The following RASSF5 variants were observed in gnomAD, a reference collection of about 807,000 sequenced individuals.
RASSF5 encodes the protein Ras association domain family member 5.
RASSF5 carries 25 observed loss-of-function variants against 40.5 expected under a neutral mutation model. The ratio of observed to expected loss-of-function variants is 0.62; its 90% CI spans 0.45 to 0.86. RASSF5 has a LOEUF of 0.86. Ranked by LOEUF, RASSF5 falls within the 40% of genes least tolerant of loss-of-function variation. The pLI is 0.00. For missense variants in RASSF5, 521 were observed against 572.8 expected, an observed-to-expected ratio of 0.91 and a Z score of 0.92; for synonymous variants, 246 against 252.4, an observed-to-expected ratio of 0.97 and a Z score of 0.24.
At chr1:206,547,217 G>A (rs190172304) in intron 2 of RASSF5, among the ~76,000 whole-genome samples, 14 of 151,988 alleles carry the variant, frequency 9.2e-5, no homozygotes, top group Admixed American at 2.0e-4. Flanking sequence ...TTTTATTTTC[G>A]CATATACTAC....
In RASSF5 at chr1:206,584,118, G is replaced by A. The variant is rs1261148708; in HGVS notation, c.691-269G>A. The stretch of plus-strand genomic sequence containing the variant: ...CACTCACCAAAGGCAACTGGTTACA[G>A]GAGGTTTAGGGAGCTGGCCTGAGCC... On this transcript the variant is annotated intron_variant, in intron 3 of 5. Coordinates refer to ENST00000579436, the MANE Select transcript of RASSF5 (RefSeq NM_182663.4). The surrounding 1 kb of genome is among the most constrained non-coding windows in gnomAD (Gnocchi z 4.9). 2.6e-5 allele frequency among the ~76,000 whole-genome samples: 4 copies of A among 152,194 alleles called. No individual in the cohort carries two copies. Among genetic ancestry groups the A allele is most frequent in the African/African-American group, 9.7e-5 (4 of 41,444 alleles).
rs183797054 is a variant in RASSF5 at position 206,570,732 on chromosome 1, T to C, written c.580-12537T>C. ...CCACGTGATAGCATGTGTCAGAATT[T>C]CCTTCCCTTTCAAGGCTGAATGAGA... On this transcript the variant is annotated intron_variant, in intron 2 of 5. Coordinates refer to ENST00000579436, the MANE Select transcript of RASSF5 (RefSeq NM_182663.4). Among the ~76,000 whole-genome samples the C allele has an allele frequency of 2.5e-3, 379 of 152,284 alleles. 1 individual carries two copies. Among genetic ancestry groups the C allele is most frequent in the Non-Finnish European group, 4.4e-3 (301 of 68,014 alleles).
In RASSF5 at chr1:206,579,298, C is replaced by A. The variant is rs1413454886; in HGVS notation, c.580-3971C>A. On this transcript the variant is annotated intron_variant, in intron 2 of 5. Coordinates refer to ENST00000579436, the MANE Select transcript of RASSF5 (RefSeq NM_182663.4). This position sits in a 1 kb window ranked among gnomAD's most constrained non-coding sequence, Gnocchi z 4.2. ...GCCCCCAGGAGAGACACCTCACATGCCAATGTCTATATTTGTTAAATCATA... is the reference window on the plus strand; with the variant it reads ...GCCCCCAGGAGAGACACCTCACATGACAATGTCTATATTTGTTAAATCATA... Among the ~76,000 whole-genome samples, 2 of 152,202 alleles carry A rather than the reference C, an allele frequency of 1.3e-5. No individual in the cohort carries two copies. Among genetic ancestry groups the A allele is most frequent in the African/African-American group, 4.8e-5 (2 of 41,442 alleles).
chr1:206,520,867 A>G (rs1307547963), intron 1 of RASSF5, among the ~76,000 whole-genome samples: 1 of 152,138 alleles, frequency 6.6e-6, no homozygotes, highest in Non-Finnish European at 1.5e-5. Context: ...TCCCAGGAAG[A>G]CTTTTCATAA....
At position 206,531,486 on chromosome 1, in the gene RASSF5, G is replaced by C. The variant is rs1667236085; in HGVS notation, c.458-6686G>C. Among the ~76,000 whole-genome samples the C allele has an allele frequency of 6.6e-6, 1 of 152,204 alleles. No homozygotes were observed. The highest frequency in any genetic ancestry group is 2.1e-4 in the South Asian group (1 of 4,830). On this transcript the variant is annotated intron_variant, in intron 1 of 5. Coordinates refer to ENST00000579436, the MANE Select transcript of RASSF5 (RefSeq NM_182663.4). The surrounding 1 kb of genome is among the most constrained non-coding windows in gnomAD (Gnocchi z 4.7). ...GGAGCTGGCAGGGTAGAGGCTGCAG[G>C]GTGAGGGTGCAGGGGGCTGGAGGTG...
intron 2 of RASSF5, among the ~76,000 whole-genome samples, chr1:206,562,144 T>C: frequency 6.6e-6 from 1 of 152,102 alleles, no homozygotes. Flanking sequence ...CCTGTAATTG[T>C]TCCATCTCCT....
chr1:206,583,317 G>A lies in RASSF5; in HGVS notation c.628G>A (p.Glu210Lys), dbSNP rs1553406784. 1 of 1,613,428 alleles carries A rather than the reference G, an allele frequency of 6.2e-7. No individual in the cohort carries two copies. ...GACACAGCGCCCGCCCACACTGCAGGAGATCAAGCAGAAGATCGACAGCTA... is the reference window on the plus strand; with the variant it reads ...GACACAGCGCCCGCCCACACTGCAGAAGATCAAGCAGAAGATCGACAGCTA... ...EETQRPPTLQ[E>K]IKQKIDSYNT... The change falls in exon 3 of 6, where the codon GAG becomes AAG. Residue 210 changes from glutamate to lysine, a missense_variant. By Grantham distance (56) the Glu-to-Lys change is moderately conservative. Around this residue, in one of 2 missense-constraint regions of RASSF5, gnomAD observed 284 missense variants for 360.8 expected, o/e 0.79. Transcript: ENST00000579436.
intron 1 of RASSF5, among the ~76,000 whole-genome samples, chr1:206,511,629 G>C (rs1371693899): frequency 6.6e-6 from 1 of 152,158 alleles, no homozygotes; most frequent in East Asian, 1.9e-4. Flanking sequence ...GAATTACATG[G>C]TTGAAAGGGA....
intron 1 of RASSF5, among the ~76,000 whole-genome samples, chr1:206,524,031 TATATA>T (rs1367370599): frequency 1.7e-5 from 2 of 121,144 alleles, no homozygotes; most frequent in Admixed American, 1.1e-4. Flanking sequence ...AGGTATACCA[TATATA>T]ATATATTTTA....
Position 206,507,903 on chromosome 1 carries a change from C to A in RASSF5, c.301C>A (p.Arg101Ser), listed in dbSNP as rs782694757. ...GCGGCGGCCTGGAGCGCCCCGACCC[C>A]GCGACGTGCGGAGCATCTTCGAGCA... Reference protein sequence around the residue: ...LRRRPGAPRPRDVRSIFEQPQ... With the variant: ...LRRRPGAPRPSDVRSIFEQPQ... The change falls in exon 1 of 6, where the codon CGC (arginine) becomes AGC (serine). Residue 101 changes from arginine (R) to serine (S), a missense_variant. By Grantham distance (110) the Arg-to-Ser change is moderately radical. Transcript: ENST00000579436. The A allele has an allele frequency of 1.3e-6, 2 of 1,506,288 alleles. No individual in the cohort carries two copies. The highest frequency in any genetic ancestry group is 1.8e-6 in the Non-Finnish European group (2 of 1,135,016). 93.3% of individuals were successfully genotyped at this position (1,506,288 alleles called of 1,614,324 possible).
intron 2 of RASSF5, among the ~76,000 whole-genome samples, chr1:206,550,945 C>A (rs550491620): frequency 2.0e-5 from 3 of 152,184 alleles, no homozygotes; most frequent in Non-Finnish European, 4.4e-5. Flanking sequence ...CCCCTTTCTG[C>A]CATCTTGGAG....
chr1:206,557,597 C>T, intron 2 of RASSF5: 1 of 1,614,238 alleles, frequency 6.2e-7, no homozygotes, highest in East Asian at 2.2e-5. Context: ...GCAGCATGAG[C>T]AGTGGGTACT....
At chr1:206,524,645 AT>A (rs1553396878) in intron 1 of RASSF5, among the ~76,000 whole-genome samples, 1 of 137,464 alleles carries the variant, frequency 7.3e-6, no homozygotes, top group African/African-American at 2.7e-5. Flanking sequence ...TAAAATATAT[AT>A]TATATATTAT....
chr1:206,544,066 T>C (rs1667614325), intron 2 of RASSF5: 1 of 152,230 alleles, frequency 6.6e-6, no homozygotes, highest in Non-Finnish European at 1.5e-5. Flanking sequence ...TGTCATATTA[T>C]TAAAAGGCAG....
chr1:206,526,099 C>A (rs909257218), intron 1 of RASSF5, among the ~76,000 whole-genome samples: 2 of 152,186 alleles, frequency 1.3e-5, no homozygotes, highest in Non-Finnish European at 2.9e-5. Flanking sequence ...GGAGCTTGCT[C>A]AGGTGCATCC....
At chr1:206,574,249 G>T (rs940164807) in intron 2 of RASSF5, among the ~76,000 whole-genome samples, 13 of 152,218 alleles carry the variant, frequency 8.5e-5, no homozygotes, top group African/African-American at 3.1e-4. Context: ...GGCCTGATCT[G>T]TGCTGCTTGA....
chr1:206,523,857 T>C (rs1224627091), intron 1 of RASSF5, among the ~76,000 whole-genome samples: 1 of 109,656 alleles, frequency 9.1e-6, no homozygotes, highest in South Asian at 2.4e-4. Context: ...CTATACAATA[T>C]ATTTTATATA....
At chr1:206,537,558 T>A (rs1667448222) in intron 1 of RASSF5, among the ~76,000 whole-genome samples, 1 of 152,184 alleles carries the variant, frequency 6.6e-6, no homozygotes, top group South Asian at 2.1e-4. Context: ...GAAGTGTTTC[T>A]GATTTTGGAC....
At chr1:206,528,518 A>G (rs1226359904) in intron 1 of RASSF5, among the ~76,000 whole-genome samples, 1 of 152,124 alleles carries the variant, frequency 6.6e-6, no homozygotes, top group African/African-American at 2.4e-5. Flanking sequence ...CAGCCATAGA[A>G]CGTACAGCAC....
Sources: gnomAD v4.1 joint callset for allele counts (sites outside exome capture counted in the v4.1 genomes callset) on GRCh38, gnomAD v4.1.1 for gene constraint, gnomAD v4.1.1 regional missense constraint, Gnocchi (gnomAD v3.1) non-coding constraint, MANE v1.5 for transcripts, NCBI Gene and HGNC (gene_info 2026-07-23, HGNC 2026-07-21) for gene names.